CLASP1: variants seen among roughly 807,000 people sequenced by gnomAD.
CLASP1 encodes cytoplasmic linker associated protein 1.
A neutral mutation model predicts 192.3 loss-of-function variants in CLASP1; 38 were observed. The ratio of observed to expected loss-of-function variants is 0.20; its 90% CI spans 0.15 to 0.26. The LOEUF is 0.26. Among genes scored for constraint, CLASP1 ranks in the 10% least tolerant of loss-of-function variants. CLASP1 has a pLI of 1.00. For missense variants in CLASP1, 1,433 were observed against 1,932.5 expected (o/e 0.74, Z 4.85); for synonymous variants, 691 against 712.8 (o/e 0.97, Z 0.49).
intron 8 of CLASP1, among the ~76,000 whole-genome samples, chr2:121,483,595 C>A (rs550734050): frequency 1.3e-5 from 2 of 151,072 alleles, no homozygotes; most frequent in East Asian, 3.9e-4. Context: ...TACATATATA[C>A]ACACACACAA....
chr2:121,556,885 C>T (rs1290015112), intron 2 of CLASP1, among the ~76,000 whole-genome samples: 5 of 152,160 alleles, frequency 3.3e-5, no homozygotes, highest in African/African-American at 9.7e-5. Flanking sequence ...GAAACTAATA[C>T]AACTAAAGCA....
At chr2:121,607,042 T>A (rs1576415344) in intron 1 of CLASP1, among the ~76,000 whole-genome samples, 1 of 130,572 alleles carries the variant, frequency 7.7e-6, no homozygotes, top group South Asian at 2.4e-4. Flanking sequence ...GGCGACAGAG[T>A]GCAACTCCGT....
At chr2:121,530,354 A>G in intron 2 of CLASP1, 29 bp from the exon 3 acceptor site, 1 of 1,531,406 alleles carries the variant, frequency 6.5e-7, no homozygotes, top group Non-Finnish European at 8.8e-7. Flanking sequence ...GGAGCCTGTT[A>G]GCAGCCGGCC....
intron 16 of CLASP1, among the ~76,000 whole-genome samples, chr2:121,449,499 C>A (rs2085000856): frequency 1.3e-5 from 2 of 150,390 alleles, no homozygotes; most frequent in South Asian, 4.2e-4. Flanking sequence ...TCTCTTGACA[C>A]AAAGTATTTA....
intron 19 of CLASP1, chr2:121,445,574 T>C (rs1574919620): frequency 1.3e-6 from 1 of 745,272 alleles, no homozygotes; most frequent in South Asian, 1.5e-5. Flanking sequence ...AGGTAGCAAC[T>C]GTAACAAATT....
chr2:121,644,140 T>C (rs1010323835), intron 1 of CLASP1, among the ~76,000 whole-genome samples: 2 of 152,076 alleles, frequency 1.3e-5, no homozygotes, highest in Non-Finnish European at 2.9e-5. Context: ...AACACTGCCC[T>C]CCCCTCACCC....
intron 1 of CLASP1, among the ~76,000 whole-genome samples, chr2:121,625,310 T>C (rs573819127): frequency 1.9e-4 from 29 of 152,240 alleles, no homozygotes; most frequent in African/African-American, 6.7e-4. Flanking sequence ...CAAGTCTCCC[T>C]TCAAAAATAA....
chr2:121,531,011 A>AT (rs1361840267), intron 2 of CLASP1: 9 of 700,166 alleles, frequency 1.3e-5, no homozygotes, highest in South Asian at 4.4e-5. Flanking sequence ...TGGAAAAATG[A>AT]AAACCTGTTT....
intron 23 of CLASP1, among the ~76,000 whole-genome samples, chr2:121,411,409 T>G: frequency 6.6e-6 from 1 of 152,250 alleles, no homozygotes. Context: ...TGTATTAAAT[T>G]GATTTCTGTG....
intron 6 of CLASP1, among the ~76,000 whole-genome samples, chr2:121,517,858 C>CTTTTTTTTTTTTTTTTTT (rs70954553): frequency 3.2e-5 from 1 of 30,820 alleles, no homozygotes; most frequent in African/African-American, 1.4e-4. Context: ...AAGACTCAAG[C>CTTTTTTTTTTTTTTTTTT]TTTTTTTTTT....
At chr2:121,606,044 T>C (rs2064375871) in exon 2 of CLASP1, 5 of 637,236 alleles carry the variant, frequency 7.8e-6, no homozygotes, top group Admixed American at 5.8e-5. Flanking sequence ...ATGGCAACAA[T>C]GCACCATGTG....
At chr2:121,602,937 CA>C (rs2063961011) in intron 2 of CLASP1, 1 of 151,882 alleles carries the variant, frequency 6.6e-6, no homozygotes, top group South Asian at 2.1e-4. Flanking sequence ...GCACAAGAAA[CA>C]AAACCAAAAA....
chr2:121,608,328 A>G (rs1023080815), intron 1 of CLASP1, among the ~76,000 whole-genome samples: 1 of 152,102 alleles, frequency 6.6e-6, no homozygotes, highest in African/African-American at 2.4e-5. Context: ...ATTCTTTGCT[A>G]CTCCTACCTC....
chr2:121,430,024 G>T, intron 20 of CLASP1, 49 bp downstream of exon 20: 1 of 1,334,274 alleles, frequency 7.5e-7, no homozygotes, highest in Non-Finnish European at 1.1e-6. Flanking sequence ...TGCAGAATGA[G>T]CTGTTGAATA....
intron 8 of CLASP1, among the ~76,000 whole-genome samples, chr2:121,497,448 A>G (rs1440559328): frequency 1.3e-5 from 2 of 152,256 alleles, no homozygotes. Context: ...AATGTCAGAC[A>G]GGTAGCTGTT....
intron 26 of CLASP1, chr2:121,402,471 C>A: frequency 2.3e-6 from 1 of 437,916 alleles, no homozygotes; most frequent in South Asian, 1.8e-5. Context: ...TCTAGCACAG[C>A]AACTATTCAC....
intron 2 of CLASP1, among the ~76,000 whole-genome samples, chr2:121,539,799 C>A (rs2095188368): frequency 6.6e-6 from 1 of 152,180 alleles, no homozygotes; most frequent in Non-Finnish European, 1.5e-5. Context: ...AGTAGAAAAA[C>A]AGGCAAAATA....
chr2:121,367,520 T>C (rs2067660407), intron 35 of CLASP1, 68 bp downstream of exon 36: 1 of 1,599,360 alleles, frequency 6.3e-7, no homozygotes, highest in Admixed American at 1.7e-5. Flanking sequence ...GGCCTGGTGC[T>C]GGCCAGACGG....
At chr2:121,384,007 T>TACACAC (rs771174974) in intron 32 of CLASP1, among the ~76,000 whole-genome samples, 58 of 139,720 alleles carry the variant, frequency 4.2e-4, no homozygotes, top group South Asian at 6.7e-4. Flanking sequence ...TATATATATA[T>TACACAC]ACACACACAC....
Sources: allele counts gnomAD v4.1 joint callset (sites outside exome capture counted in the v4.1 genomes callset), GRCh38; gene constraint gnomAD v4.1.1; transcripts MANE v1.5; gene names NCBI Gene and HGNC (gene_info 2026-07-23, HGNC 2026-07-21).